Variants in DEFB104B observed in about 807,000 individuals in gnomAD.
The protein encoded by DEFB104B is defensin beta 104B.
intron 1 of DEFB104B, among the ~76,000 whole-genome samples, chr8:7,471,993 A>T (rs1282563706): frequency 2.6e-5 from 4 of 151,276 alleles, no homozygotes; most frequent in South Asian, 2.1e-4. Context: ...AGGCAGTTTG[A>T]CCAATTCATG....
intron 1 of DEFB104B, among the ~76,000 whole-genome samples, chr8:7,474,233 G>T (rs564116597): frequency 6.9e-6 from 1 of 145,132 alleles, no homozygotes; most frequent in Non-Finnish European, 1.5e-5. Flanking sequence ...AATTGGTTTC[G>T]TCCCAGCACT....
intron 1 of DEFB104B, among the ~76,000 whole-genome samples, chr8:7,474,417 G>C (rs1392032332): frequency 7.0e-6 from 1 of 142,820 alleles, no homozygotes; most frequent in Non-Finnish European, 1.6e-5. Flanking sequence ...TCAGAAGATT[G>C]CTGACATCTC....
At position 7,474,123 on chromosome 8, in the gene DEFB104B, T is replaced by C. The variant is rs2739981; in HGVS notation, c.58+888A>G. Among the ~76,000 whole-genome samples, 1,228 of 138,764 alleles carry C rather than the reference T, an allele frequency of 8.8e-3. 46 individuals carry two copies. The highest frequency in any genetic ancestry group is 0.031 in the African/African-American group (1,130 of 36,612). The allele number at this position is 138,764 out of a possible 152,430, so 91.0% of individuals were successfully genotyped here. A position where few individuals can be genotyped will look rare whatever the true frequency, so the allele number is the denominator to read the frequency against. The stretch of plus-strand genomic sequence containing the variant: ...TCTGAATCACAGTGGAGGCACAGCC[T>C]GGAAGGGTAAAAAGATGGGTGCTGG... On this transcript the variant is annotated intron_variant, in intron 1 of 1. Transcript: ENST00000316169.
Position 7,474,073 on chromosome 8 carries a change from C to G in DEFB104B, c.58+938G>C, listed in dbSNP as rs1811044801. On this transcript the variant is annotated intron_variant, in intron 1 of 1. Coordinates refer to ENST00000316169, the MANE Select transcript of DEFB104B (RefSeq NM_001040702.1). ...AGGAAGAGTTAACCTAAACAGGTAC[C>G]CTCTGAAAAAAAATCATTAACCCAT... Among the ~76,000 whole-genome samples the G allele has an allele frequency of 1.4e-5, 2 of 140,250 alleles. 1 individual carries two copies. Among genetic ancestry groups the G allele is most frequent in the African/African-American group, 5.2e-5 (2 of 38,170 alleles). The allele number at this position is 140,250 out of a possible 152,430, so 92.0% of individuals were successfully genotyped here. A position where few individuals can be genotyped will look rare whatever the true frequency, so the allele number is the denominator to read the frequency against.
intron 1 of DEFB104B, among the ~76,000 whole-genome samples, 192 bp from the exon 2 acceptor site, chr8:7,470,708 A>G (rs371214086): frequency 0.24 from 3,545 of 15,082 alleles, 19 homozygotes; most frequent in African/African-American, 0.26. Flanking sequence ...CATGGATTTT[A>G]TTTGAAAATG....
rs565825932 is a variant in DEFB104B, at chr8:7,474,489, G to A, written c.58+522C>T. ...GCTATTTGTGTTGTCAGTAAATTAC[G>A]TTCTTGCCTACTGAAATCACTGCAT... is the stretch of plus-strand genomic sequence containing the variant. On this transcript the variant is annotated intron_variant, in intron 1 of 1. Transcript: ENST00000316169. 9.9e-5 allele frequency among the ~76,000 whole-genome samples: 14 copies of A among 141,858 alleles called. 1 individual carries two copies. Among genetic ancestry groups the A allele is most frequent in the East Asian group, 4.0e-4 (2 of 5,062 alleles). 93.1% of individuals were successfully genotyped at this position (141,858 alleles called of 152,430 possible).
In DEFB104B at chr8:7,474,667, C is replaced by T. The variant is rs182897471; in HGVS notation, c.58+344G>A. ...CAAAATCAACAATGAATAATTGCTG[C>T]TGCCCTGCAATGGAACAAGCATGGC... On this transcript the variant is annotated intron_variant, in intron 1 of 1. Transcript: ENST00000316169. Among the ~76,000 whole-genome samples, 133 of 140,390 alleles carry T rather than the reference C, an allele frequency of 9.5e-4. 4 individuals carry two copies. The highest frequency in any genetic ancestry group is 3.7e-3 in the Middle Eastern group (1 of 270). 92.1% of individuals were successfully genotyped at this position (140,390 alleles called of 152,430 possible).
At chr8:7,474,501 T>C (rs1811061858) in intron 1 of DEFB104B, among the ~76,000 whole-genome samples, 1 of 141,910 alleles carries the variant, frequency 7.0e-6, no homozygotes, top group Admixed American at 7.0e-5. Flanking sequence ...TCTTGCCTAC[T>C]GAAATCACTG....
At chr8:7,474,863 T>C in intron 1 of DEFB104B, 148 bp downstream of exon 1, 1 of 516,424 alleles carries the variant, frequency 1.9e-6, no homozygotes, top group Non-Finnish European at 3.5e-6. Context: ...ATTTTACTAA[T>C]GGACCCAATG....
chr8:7,471,045 C>A (rs1810920280), intron 1 of DEFB104B, among the ~76,000 whole-genome samples: 2 of 152,054 alleles, frequency 1.3e-5, no homozygotes, highest in Admixed American at 1.3e-4. Flanking sequence ...CAATATTGGG[C>A]AAATCTTTCT....
intron 1 of DEFB104B, among the ~76,000 whole-genome samples, 188 bp from the exon 2 acceptor site, chr8:7,470,704 T>G: frequency 7.6e-5 from 1 of 13,174 alleles, no homozygotes; most frequent in Non-Finnish European, 1.6e-4. Flanking sequence ...CCAGCATGGA[T>G]TTTATTTGAA....
At chr8:7,474,357 C>G (rs1280026524) in intron 1 of DEFB104B, among the ~76,000 whole-genome samples, 1 of 144,154 alleles carries the variant, frequency 6.9e-6, no homozygotes, top group Non-Finnish European at 1.6e-5. Context: ...ATATCCATTG[C>G]AAATATATTA....
At chr8:7,474,378 G>C (rs1017274230) in intron 1 of DEFB104B, among the ~76,000 whole-genome samples, 3 of 143,852 alleles carry the variant, frequency 2.1e-5, no homozygotes, top group Non-Finnish European at 4.7e-5. Context: ...AGAAATACAT[G>C]CTTCTGGGGA....
At chr8:7,472,832 C>CTTT (rs1247089228) in intron 1 of DEFB104B, among the ~76,000 whole-genome samples, 1 of 130,662 alleles carries the variant, frequency 7.7e-6, no homozygotes, top group African/African-American at 3.2e-5. Flanking sequence ...GTAAGATTTG[C>CTTT]TTTGTTTTTT....
intron 1 of DEFB104B, among the ~76,000 whole-genome samples, chr8:7,473,173 G>T (rs1281257443): frequency 2.2e-5 from 2 of 92,316 alleles, no homozygotes; most frequent in Non-Finnish European, 5.0e-5. Context: ...CATTGGTTTG[G>T]TCCAGAAAGG....
chr8:7,471,169 T>TAC (rs1810928079), intron 1 of DEFB104B, among the ~76,000 whole-genome samples: 1 of 63,252 alleles, frequency 1.6e-5, no homozygotes, highest in African/African-American at 8.0e-5. Flanking sequence ...TCTATATAGG[T>TAC]ATATATATAT....
intron 1 of DEFB104B, among the ~76,000 whole-genome samples, chr8:7,471,965 A>G (rs1475549696): frequency 6.6e-6 from 1 of 150,920 alleles, no homozygotes; most frequent in Non-Finnish European, 1.5e-5. Flanking sequence ...TTTGTCCAGG[A>G]TGTAGGTGAG....
At chr8:7,471,943 G>C (rs1232225220) in intron 1 of DEFB104B, among the ~76,000 whole-genome samples, 3 of 150,504 alleles carry the variant, frequency 2.0e-5, no homozygotes, top group Non-Finnish European at 4.4e-5. Flanking sequence ...TGATGCTTAG[G>C]TATCAAGGTT....
At chr8:7,472,711 C>A (rs1478829745) in intron 1 of DEFB104B, among the ~76,000 whole-genome samples, 2 of 132,158 alleles carry the variant, frequency 1.5e-5, no homozygotes, top group African/African-American at 3.0e-5. Context: ...GTTGAGGACA[C>A]ACCTGTGACA....
Sources: allele counts gnomAD v4.1 joint callset (sites outside exome capture counted in the v4.1 genomes callset), GRCh38; gene constraint gnomAD v4.1.1; transcripts MANE v1.5; gene names NCBI Gene and HGNC (gene_info 2026-07-23, HGNC 2026-07-21).